PLPP3: variants seen among roughly 807,000 people sequenced by gnomAD.
PLPP3 encodes PAP2 beta.
PLPP3 carries 6 observed loss-of-function variants against 29.6 expected under a neutral mutation model. The ratio of observed to expected loss-of-function variants is 0.20; its 90% CI spans 0.11 to 0.40. The LOEUF (loss-of-function observed/expected upper bound fraction) is 0.40, where lower values mean the gene tolerates loss of function less well. PLPP3 is among the 10% of genes least tolerant of loss of function. The pLI is 1.00. For missense variants in PLPP3, 308 were observed against 407.7 expected (o/e 0.76, Z 2.11); for synonymous variants, 152 against 159.7 (o/e 0.95, Z 0.36).
At chr1:56,541,167 G>C (rs17470169) in intron 1 of PLPP3, among the ~76,000 whole-genome samples, 12,168 of 152,146 alleles carry the variant, frequency 0.08, 686 homozygotes, top group Non-Finnish European at 0.11. Flanking sequence ...AACAGAGGGT[G>C]GGAGACTTCA....
intron 1 of PLPP3, among the ~76,000 whole-genome samples, chr1:56,575,480 A>G (rs1222748275): frequency 6.6e-6 from 1 of 152,242 alleles, no homozygotes; most frequent in African/African-American, 2.4e-5. Context: ...CTGACCACCC[A>G]AATTCCGTAT....
intron 1 of PLPP3, among the ~76,000 whole-genome samples, chr1:56,541,319 T>C (rs926123592): frequency 6.6e-6 from 1 of 152,142 alleles, no homozygotes; most frequent in African/African-American, 2.4e-5. Flanking sequence ...TAAAGTTTGC[T>C]ATAGAGCTAG....
At chr1:56,541,602 G>A (rs886471020) in intron 1 of PLPP3, among the ~76,000 whole-genome samples, 7 of 152,112 alleles carry the variant, frequency 4.6e-5, no homozygotes, top group Non-Finnish European at 2.9e-5. Context: ...GCCACCCTAA[G>A]GTTCAAAGAG....
At chr1:56,558,631 C>T (rs1391358895) in intron 1 of PLPP3, among the ~76,000 whole-genome samples, 2 of 152,248 alleles carry the variant, frequency 1.3e-5, no homozygotes, top group East Asian at 1.9e-4. Flanking sequence ...TTTTTCTCTC[C>T]GGACACCTGT....
At chr1:56,537,513 C>T (rs2100266579) in intron 1 of PLPP3, among the ~76,000 whole-genome samples, 1 of 152,268 alleles carries the variant, frequency 6.6e-6, no homozygotes, top group African/African-American at 2.4e-5. Flanking sequence ...TAACCATTTC[C>T]CCTTTGAGAA....
chr1:56,503,968 C>T (rs899064899), intron 5 of PLPP3, among the ~76,000 whole-genome samples: 14 of 152,072 alleles, frequency 9.2e-5, no homozygotes, highest in African/African-American at 2.7e-4. Context: ...TTAGTAGAGA[C>T]GGGATGTTGG....
intron 5 of PLPP3, among the ~76,000 whole-genome samples, chr1:56,497,798 C>T (rs1195075546): frequency 6.6e-6 from 1 of 152,140 alleles, no homozygotes; most frequent in African/African-American, 2.4e-5. Context: ...ACAGTAGGGA[C>T]TTGAATTATT....
rs1414592926 is a variant in PLPP3, at chr1:56,553,701, C to A, written c.140-16589G>T. 3.9e-5 allele frequency among the ~76,000 whole-genome samples: 6 copies of A among 152,132 alleles called. No individual in the cohort carries two copies. In the South Asian group the frequency reaches 8.3e-4, roughly 21 times the overall value. On this transcript the variant is annotated intron_variant, in intron 1 of 5. Transcript: ENST00000371250. ...CTAAGACTAAATTCGAACTAAATAGCAAGAGAAGGGCAATCTATCCACTGG... is the reference window on the plus strand; with the variant it reads ...CTAAGACTAAATTCGAACTAAATAGAAAGAGAAGGGCAATCTATCCACTGG...
At chr1:56,531,548 A>C (rs996306242) in intron 2 of PLPP3, among the ~76,000 whole-genome samples, 4 of 152,240 alleles carry the variant, frequency 2.6e-5, no homozygotes, top group Non-Finnish European at 4.4e-5. Context: ...TTGGGCAGTC[A>C]TCTGCCCAGT....
chr1:56,553,068 T>A (rs558687969), intron 1 of PLPP3, among the ~76,000 whole-genome samples: 24 of 152,226 alleles, frequency 1.6e-4, no homozygotes, highest in Admixed American at 1.1e-3. Context: ...TCATCAGAGT[T>A]TATTGTTAAG....
At chr1:56,506,375 T>C (rs965754777) in intron 5 of PLPP3, among the ~76,000 whole-genome samples, 14 of 152,152 alleles carry the variant, frequency 9.2e-5, no homozygotes, top group Non-Finnish European at 1.6e-4. Context: ...CTGGTGTCTT[T>C]TCCCAAGGTC....
chr1:56,540,646 AT>A (rs1202594369), intron 1 of PLPP3, among the ~76,000 whole-genome samples: 1 of 152,124 alleles, frequency 6.6e-6, no homozygotes, highest in Non-Finnish European at 1.5e-5. Context: ...CTTGAAAGGC[AT>A]GCAGATGGCA....
At chr1:56,566,246 T>A (rs1646161314) in intron 1 of PLPP3, among the ~76,000 whole-genome samples, 1 of 152,174 alleles carries the variant, frequency 6.6e-6, no homozygotes. Context: ...AAAGCCAGCA[T>A]GGAGTAGTGG....
At chr1:56,549,031 C>T (rs1018580368) in intron 1 of PLPP3, among the ~76,000 whole-genome samples, 6 of 152,062 alleles carry the variant, frequency 3.9e-5, no homozygotes, top group East Asian at 1.9e-4. Context: ...TGAGGGAGCC[C>T]GTCTAGTTCC....
intron 2 of PLPP3, among the ~76,000 whole-genome samples, chr1:56,525,110 C>T (rs1458306004): frequency 1.3e-5 from 2 of 152,164 alleles, no homozygotes. Context: ...ATCTGGTATC[C>T]TTCAGCAATA....
At chr1:56,540,559 G>A (rs1201808065) in intron 1 of PLPP3, among the ~76,000 whole-genome samples, 1 of 152,148 alleles carries the variant, frequency 6.6e-6, no homozygotes, top group Non-Finnish European at 1.5e-5. Context: ...GGCTTGGGGA[G>A]GGTTTCCGGT....
intron 5 of PLPP3, among the ~76,000 whole-genome samples, chr1:56,509,960 G>A (rs1221337054): frequency 6.6e-6 from 1 of 151,998 alleles, no homozygotes; most frequent in African/African-American, 2.4e-5. Context: ...GAGCCAAACA[G>A]GACACAAGTC....
chr1:56,515,740 G>A (rs1645776618), intron 4 of PLPP3, among the ~76,000 whole-genome samples: 1 of 152,180 alleles, frequency 6.6e-6, no homozygotes, highest in Non-Finnish European at 1.5e-5. Flanking sequence ...CCTGGTGTCT[G>A]CAGCAGGGGA....
intron 4 of PLPP3, among the ~76,000 whole-genome samples, chr1:56,518,704 T>G (rs1347723586): frequency 2.3e-5 from 3 of 132,996 alleles, no homozygotes; most frequent in African/African-American, 6.1e-5. Flanking sequence ...TTTACAGCCT[T>G]TTTTAATCAT....
Sources: gnomAD v4.1 joint callset for allele counts (sites outside exome capture counted in the v4.1 genomes callset) on GRCh38, gnomAD v4.1.1 for gene constraint, MANE v1.5 for transcripts, NCBI Gene and HGNC (gene_info 2026-07-23, HGNC 2026-07-21) for gene names.